Variants in NEDD4 observed in about 807,000 individuals in gnomAD.
NEDD4 encodes E3 ubiquitin-protein ligase NEDD4.
NEDD4 carries 99 observed loss-of-function variants against 144.9 expected under a neutral mutation model. The observed-to-expected ratio is 0.68, with a 90% CI of 0.58 to 0.81. The LOEUF (loss-of-function observed/expected upper bound fraction) is 0.81, where lower values mean the gene tolerates loss of function less well. Among genes scored for constraint, NEDD4 ranks in the 30% least tolerant of loss-of-function variants. NEDD4 has a pLI of 0.00. For missense variants in NEDD4, 985 were observed against 1,065.9 expected (o/e 0.92, Z 1.06); for synonymous variants, 318 against 350.6 (o/e 0.91, Z 1.04).
At chr15:55,847,282 G>A (rs1468935958) in intron 17 of NEDD4, among the ~76,000 whole-genome samples, 1 of 152,110 alleles carries the variant, frequency 6.6e-6, no homozygotes, top group Non-Finnish European at 1.5e-5. Context: ...TTAAAATGCA[G>A]CATGCCAGAA....
At chr15:55,863,452 G>A (rs1329907414) in intron 8 of NEDD4, among the ~76,000 whole-genome samples, 1 of 152,020 alleles carries the variant, frequency 6.6e-6, no homozygotes, top group Admixed American at 6.5e-5. Context: ...TAACAAAAAA[G>A]TAATAAAAGT....
intron 5 of NEDD4, among the ~76,000 whole-genome samples, chr15:55,885,427 G>A (rs1395865385): frequency 3.3e-5 from 5 of 152,222 alleles, no homozygotes; most frequent in South Asian, 4.1e-4. Flanking sequence ...TAATTGTGGT[G>A]TGCTAACTAC....
intron 5 of NEDD4, chr15:55,905,163 G>T: frequency 2.7e-6 from 1 of 370,544 alleles, no homozygotes; most frequent in Admixed American, 3.5e-5. Context: ...ATTATCATCA[G>T]CATGTTAAGA....
Position 55,850,528 on chromosome 15 carries a change from A to G in NEDD4, c.1347+14T>C. The stretch of plus-strand genomic sequence containing the variant: ...TTGTTGTTATAAATTTAAATGGAAA[A>G]GTATCAAAGTTACCCAGGTGGTGGT... On this transcript the variant is annotated intron_variant, in intron 14 of 28. Transcript: ENST00000435532. 1.2e-6 allele frequency: 2 copies of G among 1,612,404 alleles called. No homozygotes were observed. Among genetic ancestry groups the G allele is most frequent in the Non-Finnish European group, 1.7e-6 (2 of 1,178,968 alleles).
At position 55,828,309 on chromosome 15, in the gene NEDD4, G is replaced by T. The variant is rs1234579040; in HGVS notation, c.*1588C>A. 1 of 152,046 alleles carries T rather than the reference G, an allele frequency of 6.6e-6. No individual in the cohort carries two copies. The highest frequency in any genetic ancestry group is 1.5e-5 in the Non-Finnish European group (1 of 68,012). 9.4% of individuals were successfully genotyped at this position (152,046 alleles called of 1,614,324 possible). A position where few individuals can be genotyped will look rare whatever the true frequency, so the allele number is the denominator to read the frequency against. On this transcript the variant is annotated 3_prime_UTR_variant, in exon 29 of 29. Transcript: ENST00000435532. Reference sequence around the variant, plus strand: ...AGGGTGTGTATATATATATATTTAAGAAGATTCGTAACATATATTTACAAT... The same window carrying T: ...AGGGTGTGTATATATATATATTTAATAAGATTCGTAACATATATTTACAAT...
chr15:55,955,920 ATCTTC>A (rs2037330772), intron 2 of NEDD4, among the ~76,000 whole-genome samples: 1 of 150,018 alleles, frequency 6.7e-6, no homozygotes, highest in Admixed American at 6.7e-5. Flanking sequence ...GGCTCAAGTG[ATCTTC>A]CCACCTCAGC....
chr15:55,915,461 A>G (rs1238130621), intron 5 of NEDD4: 1 of 1,613,642 alleles, frequency 6.2e-7, no homozygotes, highest in Non-Finnish European at 8.5e-7. Flanking sequence ...CTCCCAATGA[A>G]ATACTTCTTC....
At chr15:55,891,661 CA>C (rs2035575652) in intron 5 of NEDD4, among the ~76,000 whole-genome samples, 1 of 152,244 alleles carries the variant, frequency 6.6e-6, no homozygotes, top group East Asian at 1.9e-4. Context: ...GGACTATCTG[CA>C]ATGGGCACAG....
chr15:55,973,737 T>C (rs1356329155), intron 1 of NEDD4, among the ~76,000 whole-genome samples: 3 of 150,186 alleles, frequency 2.0e-5, no homozygotes, highest in Non-Finnish European at 4.4e-5. Context: ...CAAATAATAA[T>C]GGAAACACAA....
At chr15:55,975,716 C>A (rs2037687851) in intron 1 of NEDD4, among the ~76,000 whole-genome samples, 1 of 152,000 alleles carries the variant, frequency 6.6e-6, no homozygotes, top group Non-Finnish European at 1.5e-5. Context: ...CCAAAGCAAT[C>A]TACAGATTCA....
intron 2 of NEDD4, among the ~76,000 whole-genome samples, chr15:55,957,564 C>A (rs1304622999): frequency 6.6e-6 from 1 of 151,982 alleles, no homozygotes; most frequent in Non-Finnish European, 1.5e-5. Context: ...CTCAGTGTGG[C>A]GATTCCTCAA....
Position 55,966,286 on chromosome 15 carries a change from G to A in NEDD4, c.119+187C>T, listed in dbSNP as rs144512809. 6.6e-5 allele frequency among the ~76,000 whole-genome samples: 10 copies of A among 152,236 alleles called. No individual in the cohort carries two copies. In the East Asian group the frequency reaches 1.5e-3, roughly 23 times the overall value. ...GACTATTGCTATCATTTGTACTTCT[G>A]CCTAATTTCACAAATTTAGTAATTC... On this transcript the variant is annotated intron_variant, in intron 2 of 28. Coordinates refer to ENST00000435532, the MANE Select transcript of NEDD4 (RefSeq NM_006154.4).
At chr15:55,875,838 GA>G (rs2034973705) in intron 5 of NEDD4, among the ~76,000 whole-genome samples, 1 of 151,848 alleles carries the variant, frequency 6.6e-6, no homozygotes, top group Admixed American at 6.6e-5. Context: ...TAATAGGGCA[GA>G]AAAATATTTG....
chr15:55,993,505 C>T lies in NEDD4; in HGVS notation c.45+6G>A, dbSNP rs752533683. 17 of 1,596,630 alleles carry T rather than the reference C, an allele frequency of 1.1e-5. No individual in the cohort carries two copies. The highest frequency in any genetic ancestry group is 2.3e-4 in the Middle Eastern group (1 of 4,394). ...AGCCCGCCCCGCAGCCCCGCGGTCC[C>T]CGCACCTCGTCCTCCAGGAGCCCGA... On this transcript the variant is annotated splice_donor_region_variant and intron_variant, in intron 1 of 28. Transcript: ENST00000435532.
At chr15:55,872,917 TA>T (rs201906568) in intron 6 of NEDD4, among the ~76,000 whole-genome samples, 1,355 of 133,800 alleles carry the variant, frequency 0.01, 2 homozygotes, top group African/African-American at 0.016. Flanking sequence ...GCACCCTGTT[TA>T]AAAAAAAAAA....
chr15:55,852,705 A>G (rs1200719461), intron 12 of NEDD4, among the ~76,000 whole-genome samples, 162 bp from the exon 13 acceptor site: 1 of 113,320 alleles, frequency 8.8e-6, no homozygotes, highest in Non-Finnish European at 1.9e-5. Flanking sequence ...ATATATATAT[A>G]TATATATATA....
chr15:55,931,718 G>C (rs753669632), intron 4 of NEDD4, among the ~76,000 whole-genome samples: 2 of 152,112 alleles, frequency 1.3e-5, no homozygotes, highest in Admixed American at 1.3e-4. Context: ...CAGTGGTTGT[G>C]GGAACAAACA....
intron 4 of NEDD4, among the ~76,000 whole-genome samples, chr15:55,936,142 G>A (rs1036392952): frequency 2.0e-5 from 3 of 152,098 alleles, no homozygotes; most frequent in Non-Finnish European, 4.4e-5. Context: ...TGTCAGAGGG[G>A]TCCCTCCTAA....
chr15:55,957,063 C>T lies in NEDD4; in HGVS notation c.120-5474G>A, dbSNP rs767959847. Among the ~76,000 whole-genome samples, 12 of 152,186 alleles carry T rather than the reference C, an allele frequency of 7.9e-5. No homozygotes were observed. In the South Asian group the frequency reaches 1.2e-3, roughly 16 times the overall value. On this transcript the variant is annotated intron_variant, in intron 2 of 28. Transcript: ENST00000435532. ...TTTAACTTTTATACAATTGTAAACA[C>T]GTTTTTAAATTGTATTTTCCAATGG...
Sources: allele counts gnomAD v4.1 joint callset (sites outside exome capture counted in the v4.1 genomes callset), GRCh38; gene constraint gnomAD v4.1.1; transcripts MANE v1.5; gene names NCBI Gene and HGNC (gene_info 2026-07-23, HGNC 2026-07-21).